SPAG17: variants seen among roughly 807,000 people sequenced by gnomAD.
The protein encoded by SPAG17 is sperm associated antigen 17.
Under a neutral mutation model 273.6 loss-of-function variants are expected in SPAG17, and 169 were observed. The observed-to-expected ratio is 0.62, with a 90% CI of 0.55 to 0.70. The LOEUF is 0.70. Among genes scored for constraint, SPAG17 ranks in the 30% least tolerant of loss-of-function variants. SPAG17 has a pLI of 0.00. For synonymous variants in SPAG17, 825 were observed against 873.2 expected (o/e 0.94, Z 0.97); for missense variants, 2,557 against 2,627.8 (o/e 0.97, Z 0.59).
chr1:118,066,772 A>G lies in SPAG17; in HGVS notation c.2513T>C (p.Ile838Thr), dbSNP rs1242240441. The G allele has an allele frequency of 1.9e-6, 3 of 1,611,946 alleles. No homozygotes were observed. Among genetic ancestry groups the G allele is most frequent in the Non-Finnish European group, 1.7e-6 (2 of 1,179,382 alleles). The change falls in exon 18 of 49, where the codon ATT becomes ACT. Residue 838 changes from isoleucine to threonine, a missense_variant. Coordinates refer to ENST00000336338, the MANE Select transcript of SPAG17 (RefSeq NM_206996.4). The stretch of plus-strand genomic sequence containing the variant: ...GAATCCAACATTGGAGTGGAGAGCA[A>G]TGTTCCAATATTCACAATGCAAACG... The part of the protein sequence containing the change: ...RQRLHCEYWN[I>T]ALHSNVGFRN...
intron 2 of SPAG17, 35 bp downstream of exon 2, chr1:118,151,194 C>A (rs780371756): frequency 6.8e-7 from 1 of 1,468,478 alleles, no homozygotes; most frequent in East Asian, 2.4e-5. Context: ...GTAAAAAAGT[C>A]TTCAGGTGGC....
intron 7 of SPAG17, among the ~76,000 whole-genome samples, chr1:118,096,756 A>C (rs1000101848): frequency 6.6e-6 from 1 of 152,158 alleles, no homozygotes; most frequent in Non-Finnish European, 1.5e-5. Context: ...GTTTCACATA[A>C]CTGAGCACCA....
chr1:117,981,818 C>A (rs564458761), intron 42 of SPAG17, among the ~76,000 whole-genome samples: 53 of 152,232 alleles, frequency 3.5e-4, no homozygotes, highest in African/African-American at 1.3e-3. Flanking sequence ...AAACGTAGCT[C>A]TTTGTTAAAT....
intron 18 of SPAG17, among the ~76,000 whole-genome samples, chr1:118,058,738 T>C (rs1181902645): frequency 6.6e-6 from 1 of 152,278 alleles, no homozygotes; most frequent in Middle Eastern, 3.4e-3. Context: ...TGAAATACAA[T>C]ACCTACCTGA....
chr1:118,122,475 T>G (rs1352609940), intron 3 of SPAG17, among the ~76,000 whole-genome samples: 1 of 152,222 alleles, frequency 6.6e-6, no homozygotes, highest in Non-Finnish European at 1.5e-5. Flanking sequence ...TACTTAACCC[T>G]TTTAAACCTC....
chr1:118,017,922 T>G (rs1443929383), intron 28 of SPAG17, among the ~76,000 whole-genome samples: 1 of 152,180 alleles, frequency 6.6e-6, no homozygotes, highest in African/African-American at 2.4e-5. Context: ...AGTTCCATTT[T>G]CAGCAACATC....
intron 18 of SPAG17, among the ~76,000 whole-genome samples, chr1:118,065,704 T>C (rs1176790294): frequency 6.6e-6 from 1 of 152,032 alleles, no homozygotes; most frequent in Non-Finnish European, 1.5e-5. Flanking sequence ...GAAAAAAATA[T>C]AAACACCTAA....
chr1:118,139,733 G>A (rs1658562969), intron 3 of SPAG17, among the ~76,000 whole-genome samples: 1 of 151,866 alleles, frequency 6.6e-6, no homozygotes, highest in South Asian at 2.1e-4. Context: ...ACTCACATGG[G>A]GAATCTAAAA....
At position 118,002,474 on chromosome 1, in the gene SPAG17, C is replaced by G. The variant is rs141600947; in HGVS notation, c.4776+2940G>C. The stretch of plus-strand genomic sequence containing the variant: ...TGGGAGTCTAAGTCTCTTTGTAGGT[C>G]TCTAAGGACTTGCTTTATGAATCTG... On this transcript the variant is annotated intron_variant, in intron 32 of 48. Coordinates refer to ENST00000336338, the MANE Select transcript of SPAG17 (RefSeq NM_206996.4). Among the ~76,000 whole-genome samples the G allele has an allele frequency of 7.0e-3, 1,058 of 152,210 alleles. 10 individuals are homozygous for G. The highest frequency in any genetic ancestry group is 0.024 in the African/African-American group (978 of 41,534).
chr1:118,131,204 T>C (rs1420851361), intron 3 of SPAG17, among the ~76,000 whole-genome samples: 1 of 152,244 alleles, frequency 6.6e-6, no homozygotes, highest in African/African-American at 2.4e-5. Context: ...CTACATGGAC[T>C]GGCCACATCT....
rs1172425466 is a variant in SPAG17 at position 118,018,495 on chromosome 1, A to G, written c.4070-2313T>C. Reference sequence around the variant, plus strand: ...GTGATCCAAGACTGTTGGTTCCCCTATCAACTGCTAAAGTCCTTTCTGAAG... The same window carrying G: ...GTGATCCAAGACTGTTGGTTCCCCTGTCAACTGCTAAAGTCCTTTCTGAAG... On this transcript the variant is annotated intron_variant, in intron 28 of 48. Transcript: ENST00000336338. 2.6e-5 allele frequency among the ~76,000 whole-genome samples: 4 copies of G among 152,258 alleles called. No individual in the cohort carries two copies. In the East Asian group the frequency reaches 5.8e-4, roughly 22 times the overall value.
intron 4 of SPAG17, among the ~76,000 whole-genome samples, chr1:118,111,787 G>A (rs1241369871): frequency 1.3e-5 from 2 of 152,064 alleles, no homozygotes; most frequent in Non-Finnish European, 2.9e-5. Flanking sequence ...TAGTTTACCA[G>A]TATTACAAAA....
Position 118,023,719 on chromosome 1 carries a change from AT to A in SPAG17, c.3910-257del, listed in dbSNP as rs562718393. On this transcript the variant is annotated intron_variant, in intron 27 of 48. Transcript: ENST00000336338. ...CTTTTATTTTGTTTCTTTTCTTTTT[AT>A]TTCCATCTTTTCTTGGATTGATTTG... is the stretch of plus-strand genomic sequence containing the variant. Among the ~76,000 whole-genome samples, 55 of 151,978 alleles carry A rather than the reference AT, an allele frequency of 3.6e-4. No individual in the cohort carries two copies. The East Asian group carries it at 9.1e-3, about 25-fold the overall frequency.
At chr1:118,115,243 G>A in intron 4 of SPAG17, 67 bp downstream of exon 4, 1 of 1,574,734 alleles carries the variant, frequency 6.4e-7, no homozygotes, top group Non-Finnish European at 8.7e-7. Flanking sequence ...AAGTGCCCCT[G>A]GAGAAACCTG....
intron 46 of SPAG17, among the ~76,000 whole-genome samples, chr1:117,967,246 C>T (rs768180676): frequency 4.1e-5 from 6 of 147,790 alleles, no homozygotes; most frequent in African/African-American, 1.0e-4. Context: ...TTCAGTGAGC[C>T]GAGATCGCGC....
intron 4 of SPAG17, among the ~76,000 whole-genome samples, chr1:118,104,865 C>A (rs935940388): frequency 1.3e-5 from 2 of 152,096 alleles, no homozygotes; most frequent in Non-Finnish European, 2.9e-5. Flanking sequence ...AGAACCAGAG[C>A]TCTGAGTTGT....
At chr1:118,159,925 A>G (rs1405205013) in intron 1 of SPAG17, among the ~76,000 whole-genome samples, 1 of 152,202 alleles carries the variant, frequency 6.6e-6, no homozygotes, top group Admixed American at 6.5e-5. Flanking sequence ...ATGTTAGTAC[A>G]ATCCAACCAG....
intron 1 of SPAG17, among the ~76,000 whole-genome samples, chr1:118,181,866 A>C (rs2102412408): frequency 6.6e-6 from 1 of 152,336 alleles, no homozygotes; most frequent in East Asian, 1.9e-4. Flanking sequence ...CTGCAATCCT[A>C]GCACTTTGAA....
intron 28 of SPAG17, among the ~76,000 whole-genome samples, chr1:118,021,616 A>T (rs186771755): frequency 2.2e-4 from 33 of 152,324 alleles, no homozygotes; most frequent in Admixed American, 5.9e-4. Flanking sequence ...AGATGTTAAT[A>T]ATTGGGGAAA....
Sources: gnomAD v4.1 joint callset for allele counts (sites outside exome capture counted in the v4.1 genomes callset) on GRCh38, gnomAD v4.1.1 for gene constraint, MANE v1.5 for transcripts, NCBI Gene and HGNC (gene_info 2026-07-23, HGNC 2026-07-21) for gene names.